Variants in GOPC observed in about 807,000 individuals in gnomAD.
GOPC encodes golgi associated PDZ and coiled-coil motif containing, also known as Golgi-associated PDZ and coiled-coil motif-containing protein.
Under a neutral mutation model 51.2 loss-of-function variants are expected in GOPC, and 32 were observed. The observed-to-expected ratio is 0.63, with a 90% confidence interval of 0.47 to 0.84. The LOEUF (loss-of-function observed/expected upper bound fraction) is 0.84, where lower values mean the gene tolerates loss of function less well. GOPC is among the 40% of genes least tolerant of loss of function. GOPC has a pLI of 0.00. For missense variants in GOPC, 441 were observed against 555.5 expected (o/e 0.79, Z 2.07); for synonymous variants, 190 against 205.1 (o/e 0.93, Z 0.63).
At chr6:117,573,750 T>A in intron 4 of GOPC, 118 bp from the exon 5 acceptor site, 1 of 772,882 alleles carries the variant, frequency 1.3e-6, no homozygotes, top group Non-Finnish European at 2.0e-6. Flanking sequence ...ATAAAACTAA[T>A]ACTCACGAAC....
intron 1 of GOPC, among the ~76,000 whole-genome samples, chr6:117,596,643 T>G (rs1210167558): frequency 1.3e-5 from 2 of 152,208 alleles, no homozygotes; most frequent in Non-Finnish European, 2.9e-5. Flanking sequence ...ATTTGTTGAA[T>G]AGGGTGTCCT....
chr6:117,596,528 TTAG>T (rs1189215693), intron 1 of GOPC, among the ~76,000 whole-genome samples: 2 of 152,210 alleles, frequency 1.3e-5, no homozygotes, highest in African/African-American at 4.8e-5. Context: ...GTTTCAGGTC[TTAG>T]ATTTAAGTCT....
At chr6:117,596,330 C>T (rs1440086315) in intron 1 of GOPC, among the ~76,000 whole-genome samples, 1 of 152,120 alleles carries the variant, frequency 6.6e-6, no homozygotes, top group Admixed American at 6.5e-5. Context: ...AAGATTTTCT[C>T]CCACTCTGTG....
chr6:117,570,234 T>TAA (rs554562772), intron 6 of GOPC, among the ~76,000 whole-genome samples: 19 of 137,174 alleles, frequency 1.4e-4, no homozygotes, highest in South Asian at 6.9e-4. Flanking sequence ...AGGCAGCACA[T>TAA]AAAAAAAAAA....
chr6:117,578,999 T>C lies in GOPC; in HGVS notation c.351A>G (p.Lys117=), dbSNP rs775008290. 4 of 1,612,016 alleles carry C rather than the reference T, an allele frequency of 2.5e-6. No individual in the cohort carries two copies. The highest frequency in any genetic ancestry group is 3.4e-6 in the Non-Finnish European group (4 of 1,179,100). ...GCTGTAAAAGCTGATCATGTACTTC[T>C]TTCTCCAAAACAACTTTCTCTGCTT... ...ETQAEKVVLE[K]EVHDQLLQLH... is the part of the protein sequence containing the mutation. The change falls in exon 2 of 9, where the codon AAA becomes AAG. Residue 117 remains lysine, a synonymous_variant. Coordinates refer to ENST00000368498, the MANE Select transcript of GOPC (RefSeq NM_020399.4).
chr6:117,601,880 C>T, intron 1 of GOPC, 124 bp downstream of exon 1: 1 of 1,072,824 alleles, frequency 9.3e-7, no homozygotes, highest in South Asian at 1.6e-5. Flanking sequence ...CATGCACTCT[C>T]CCATCACATT....
At chr6:117,580,283 T>C (rs567163769) in intron 1 of GOPC, among the ~76,000 whole-genome samples, 2 of 152,226 alleles carry the variant, frequency 1.3e-5, no homozygotes, top group African/African-American at 4.8e-5. Flanking sequence ...AAAGTTGAAA[T>C]AAATTCTAAT....
chr6:117,571,620 A>G (rs1779808346), intron 5 of GOPC, among the ~76,000 whole-genome samples: 1 of 152,034 alleles, frequency 6.6e-6, no homozygotes, highest in Non-Finnish European at 1.5e-5. Flanking sequence ...CTTAACCTCT[A>G]CACGAAGTTC....
chr6:117,576,435 C>A (rs550927498), intron 3 of GOPC, among the ~76,000 whole-genome samples: 2 of 152,150 alleles, frequency 1.3e-5, no homozygotes, highest in African/African-American at 4.8e-5. Context: ...GGGCAAGTAT[C>A]TGTTTCAAAA....
chr6:117,586,732 C>A (rs1376140074), intron 1 of GOPC, among the ~76,000 whole-genome samples: 1 of 152,050 alleles, frequency 6.6e-6, no homozygotes, highest in Non-Finnish European at 1.5e-5. Context: ...CCGCCCGCCT[C>A]AGCCTCCCAA....
intron 1 of GOPC, among the ~76,000 whole-genome samples, chr6:117,596,248 G>T (rs1199903550): frequency 6.6e-6 from 1 of 151,726 alleles, no homozygotes; most frequent in Non-Finnish European, 1.5e-5. Flanking sequence ...GGGATTGTTT[G>T]TTTTTTTCTT....
chr6:117,583,355 C>T (rs1779987520), intron 1 of GOPC, among the ~76,000 whole-genome samples: 1 of 152,218 alleles, frequency 6.6e-6, no homozygotes, highest in African/African-American at 2.4e-5. Flanking sequence ...CAAATACCTT[C>T]TCCCATCCTG....
At chr6:117,569,216 T>C (rs1251649373) in intron 7 of GOPC, among the ~76,000 whole-genome samples, 3 of 152,234 alleles carry the variant, frequency 2.0e-5, no homozygotes, top group Non-Finnish European at 2.9e-5. Flanking sequence ...ACCTTATATA[T>C]AGTGTTCTAG....
intron 1 of GOPC, among the ~76,000 whole-genome samples, chr6:117,598,781 A>T (rs1262162704): frequency 6.6e-6 from 1 of 152,180 alleles, no homozygotes; most frequent in Non-Finnish European, 1.5e-5. Flanking sequence ...ACTGGTCCAC[A>T]GCCCGGGGTA....
intron 1 of GOPC, among the ~76,000 whole-genome samples, chr6:117,584,338 G>C (rs559170559): frequency 6.6e-5 from 10 of 152,266 alleles, no homozygotes; most frequent in African/African-American, 2.4e-4. Context: ...TGTCCTACAA[G>C]ACTGCCCCAT....
intron 1 of GOPC, among the ~76,000 whole-genome samples, chr6:117,601,534 A>G (rs1192776827): frequency 1.3e-5 from 2 of 152,178 alleles, no homozygotes; most frequent in Admixed American, 6.5e-5. Context: ...AGATTCCCCT[A>G]AATAGTTTAT....
At chr6:117,564,349 G>A (rs186215872) in intron 8 of GOPC, among the ~76,000 whole-genome samples, 2 of 152,204 alleles carry the variant, frequency 1.3e-5, no homozygotes, top group East Asian at 3.9e-4. Context: ...CTACTGAACT[G>A]TGAATTATAT....
chr6:117,573,871 T>C (rs1779841855), intron 4 of GOPC, among the ~76,000 whole-genome samples: 1 of 152,148 alleles, frequency 6.6e-6, no homozygotes, highest in African/African-American at 2.4e-5. Flanking sequence ...GTGAACTCCT[T>C]TAGTCATATA....
chr6:117,583,102 ACCTGCTTGCCTACACACTCC>A lies in GOPC; in HGVS notation c.286-4058_286-4039del, dbSNP rs554541211. 1.8e-4 allele frequency among the ~76,000 whole-genome samples: 28 copies of A among 152,094 alleles called. 1 individual carries two copies. In the East Asian group the frequency reaches 4.3e-3, roughly 23 times the overall value. ...ACTAAAGCAGCTGGCCAGTTCCTAC[ACCTGCTTGCCTACACACTCC>A]CTCCCATGAGGGGTGGAGTGCAGCA... is the stretch of plus-strand genomic sequence containing the variant. On this transcript the variant is annotated intron_variant, in intron 1 of 8. Coordinates refer to ENST00000368498, the MANE Select transcript of GOPC (RefSeq NM_020399.4).
Sources: allele counts gnomAD v4.1 joint callset (sites outside exome capture counted in the v4.1 genomes callset), GRCh38; gene constraint gnomAD v4.1.1; transcripts MANE v1.5; gene names NCBI Gene and HGNC (gene_info 2026-07-23, HGNC 2026-07-21).